Variants in GPRIN3 observed in about 807,000 individuals in gnomAD.
The protein encoded by GPRIN3 is G protein-regulated inducer of neurite outgrowth 3.
Under a neutral mutation model 13.7 loss-of-function variants are expected in GPRIN3, and 12 were observed. That is an observed-to-expected ratio of 0.87 (90% CI 0.56 to 1.42). GPRIN3 has a LOEUF of 1.42. GPRIN3 is among the 40% of genes most tolerant of loss of function. The probability of loss-of-function intolerance (pLI) is 0.00; values close to 1 mark genes in which losing one functional copy is unlikely to be tolerated. For synonymous variants in GPRIN3, 377 were observed against 372.7 expected (o/e 1.01, Z -0.13); for missense variants, 1,009 against 958.7 (o/e 1.05, Z -0.69).
chr4:89,238,200 A>T lies in GPRIN3; in HGVS notation c.*9580T>A, dbSNP rs1722834800. The stretch of plus-strand genomic sequence containing the variant: ...AATCACTGTTTAAAGTTCATGGGAA[A>T]TTCACTAAATCATTGTTTTGAGATT... On this transcript the variant is annotated 3_prime_UTR_variant, in exon 2 of 2. Coordinates refer to ENST00000609438, the MANE Select transcript of GPRIN3 (RefSeq NM_198281.3). 2 of 152,128 alleles carry T rather than the reference A, an allele frequency of 1.3e-5. No homozygotes were observed. The highest frequency in any genetic ancestry group is 2.9e-5 in the Non-Finnish European group (2 of 68,028). 9.4% of individuals were successfully genotyped at this position (152,128 alleles called of 1,614,324 possible).
chr4:89,291,565 T>C (rs1017218380), intron 1 of GPRIN3, among the ~76,000 whole-genome samples: 41 of 152,248 alleles, frequency 2.7e-4, no homozygotes, highest in African/African-American at 9.9e-4. Context: ...TGTTTGTTTA[T>C]TCCTTTACTA....
rs773688768 is a variant in GPRIN3 at position 89,302,346 on chromosome 4, AT to A, written c.-124+5268del. On this transcript the variant is annotated intron_variant, in intron 1 of 1. Coordinates refer to ENST00000609438, the MANE Select transcript of GPRIN3 (RefSeq NM_198281.3). Reference sequence around the variant, plus strand: ...GCTCTATTAGTGACTAGAAACAGTTATTAACTTCCTTGGGACTCATCTGTAA... The same window carrying A: ...GCTCTATTAGTGACTAGAAACAGTTATAACTTCCTTGGGACTCATCTGTAA... Among the ~76,000 whole-genome samples the A allele has an allele frequency of 3.3e-5, 5 of 152,344 alleles. No homozygotes were observed. The South Asian group carries it at 1.0e-3, about 32-fold the overall frequency.
In GPRIN3 at chr4:89,239,194, A is replaced by T. The variant is rs1722859556; in HGVS notation, c.*8586T>A. 6.6e-6 allele frequency: 1 copy of T among 152,178 alleles called. No homozygotes were observed. Among genetic ancestry groups the T allele is most frequent in the African/African-American group, 2.4e-5 (1 of 41,458 alleles). The allele number at this position is 152,178 out of a possible 1,614,324, so 9.4% of individuals were successfully genotyped here. On this transcript the variant is annotated 3_prime_UTR_variant, in exon 2 of 2. Coordinates refer to ENST00000609438, the MANE Select transcript of GPRIN3 (RefSeq NM_198281.3). ...TGGATTTTAATATTAATACATTCAT[A>T]AATGGACTTTCCATTTTGAATATTT...
chr4:89,257,863 C>T (rs951046435), intron 1 of GPRIN3, among the ~76,000 whole-genome samples: 4 of 151,936 alleles, frequency 2.6e-5, no homozygotes, highest in East Asian at 1.9e-4. Flanking sequence ...TACAGAAATC[C>T]GATACAGAAA....
intron 1 of GPRIN3, among the ~76,000 whole-genome samples, chr4:89,305,644 A>G (rs1489570236): frequency 6.6e-6 from 1 of 152,234 alleles, no homozygotes; most frequent in East Asian, 1.9e-4. Flanking sequence ...GTTTCCTGCA[A>G]GCTGCAGATT....
chr4:89,249,322 C>G lies in GPRIN3; in HGVS notation c.789G>C (p.Val263=). Residue 263 remains valine (V), a synonymous_variant, in exon 2 of 2, where the codon GTG becomes GTC. Coordinates refer to ENST00000609438, the MANE Select transcript of GPRIN3 (RefSeq NM_198281.3). ...TASGPQGTTS[V]TPQPTPLTSE... The stretch of plus-strand genomic sequence containing the variant: ...TAGTGAGGGGGGTTGGTTGAGGTGT[C>G]ACAGAAGTTGTGCCTTGGGGGCCCG... The G allele has an allele frequency of 6.2e-7, 1 of 1,614,104 alleles. No individual in the cohort carries two copies. The highest frequency in any genetic ancestry group is 8.5e-7 in the Non-Finnish European group (1 of 1,180,020).
At chr4:89,264,551 T>C (rs1240327866) in intron 1 of GPRIN3, among the ~76,000 whole-genome samples, 3 of 152,196 alleles carry the variant, frequency 2.0e-5, no homozygotes, top group African/African-American at 4.8e-5. Flanking sequence ...AAGAGAGTTC[T>C]AGGCAGAGGG....
At position 89,248,807 on chromosome 4, in the gene GPRIN3, T is replaced by G. The variant is rs1723202430; in HGVS notation, c.1304A>C (p.Lys435Thr). 6.2e-7 allele frequency: 1 copy of G among 1,614,082 alleles called. No homozygotes were observed. Residue 435 changes from lysine (K) to threonine (T), a missense_variant, in exon 2 of 2, where the codon AAA becomes ACA. Coordinates refer to ENST00000609438, the MANE Select transcript of GPRIN3 (RefSeq NM_198281.3). ...LVSSNAQHTC[K>T]EDGRLAGMTP... The stretch of plus-strand genomic sequence containing the variant: ...CATTCCTGCTAACCTCCCATCTTCT[T>G]TACACGTATGCTGGGCATTACTGGA...
intron 1 of GPRIN3, among the ~76,000 whole-genome samples, chr4:89,284,090 G>A (rs1049615395): frequency 1.3e-5 from 2 of 152,228 alleles, no homozygotes; most frequent in African/African-American, 4.8e-5. Flanking sequence ...TAAACGCTAT[G>A]ACAGATGGTA....
intron 1 of GPRIN3, among the ~76,000 whole-genome samples, chr4:89,304,750 C>G (rs1255175305): frequency 6.6e-6 from 1 of 152,126 alleles, no homozygotes; most frequent in East Asian, 1.9e-4. Flanking sequence ...TTAGAATATA[C>G]ACTCTTTGTC....
At chr4:89,278,407 T>G (rs1199302445) in intron 1 of GPRIN3, among the ~76,000 whole-genome samples, 7 of 152,240 alleles carry the variant, frequency 4.6e-5, no homozygotes, top group African/African-American at 1.7e-4. Context: ...AATGACATAT[T>G]TAAATTCTCC....
intron 1 of GPRIN3, among the ~76,000 whole-genome samples, chr4:89,289,000 T>A (rs1431827176): frequency 1.3e-5 from 2 of 151,964 alleles, no homozygotes; most frequent in Admixed American, 1.3e-4. Flanking sequence ...TCTCTGACAT[T>A]TTCCTATGTC....
Position 89,238,405 on chromosome 4 carries a change from T to G in GPRIN3, c.*9375A>C, listed in dbSNP as rs189753764. 1 of 152,344 alleles carries G rather than the reference T, an allele frequency of 6.6e-6. No individual in the cohort carries two copies. Among genetic ancestry groups the G allele is most frequent in the East Asian group, 1.9e-4 (1 of 5,188 alleles). 9.4% of individuals were successfully genotyped at this position (152,344 alleles called of 1,614,324 possible). The stretch of plus-strand genomic sequence containing the variant: ...ATCCAGACTGCAGGATCCCAGTTTA[T>G]CTTCTCAGGAGTAGGCAGAAAGGCT... On this transcript the variant is annotated 3_prime_UTR_variant, in exon 2 of 2. Transcript: ENST00000609438.
rs541157185 is a variant in GPRIN3 at position 89,236,588 on chromosome 4, T to C, written c.*11192A>G. ...TTGTTATTCTCAGTTTCCAGATGAA[T>C]GCACTGAAATAATTTGGATATTTAT... is the stretch of plus-strand genomic sequence containing the variant. On this transcript the variant is annotated 3_prime_UTR_variant, in exon 2 of 2. Coordinates refer to ENST00000609438, the MANE Select transcript of GPRIN3 (RefSeq NM_198281.3). The C allele has an allele frequency of 1.1e-4, 17 of 152,248 alleles. No individual in the cohort carries two copies. In the South Asian group the frequency reaches 3.3e-3, roughly 30 times the overall value. The allele number at this position is 152,248 out of a possible 1,614,324, so 9.4% of individuals were successfully genotyped here. A position where few individuals can be genotyped will look rare whatever the true frequency, so the allele number is the denominator to read the frequency against.
At chr4:89,270,306 A>G (rs35282873) in intron 1 of GPRIN3, among the ~76,000 whole-genome samples, 2,150 of 150,232 alleles carry the variant, frequency 0.014, 28 homozygotes, top group Non-Finnish European at 0.024. Flanking sequence ...TCTCTCTGCA[A>G]TTCTCTTTTA....
In GPRIN3 at chr4:89,241,759, C is replaced by T. The variant is rs2149246709; in HGVS notation, c.*6021G>A. The T allele has an allele frequency of 6.6e-6, 1 of 152,230 alleles. No homozygotes were observed. Among genetic ancestry groups the T allele is most frequent in the Non-Finnish European group, 1.5e-5 (1 of 67,984 alleles). The allele number at this position is 152,230 out of a possible 1,614,324, so 9.4% of individuals were successfully genotyped here. A position where few individuals can be genotyped will look rare whatever the true frequency, so the allele number is the denominator to read the frequency against. ...TAAAATAAATGTTAAGGAATCTCAA[C>T]TAAAATCATCAAGGATGCCAATTAA... is the stretch of plus-strand genomic sequence containing the variant. On this transcript the variant is annotated 3_prime_UTR_variant, in exon 2 of 2. Coordinates refer to ENST00000609438, the MANE Select transcript of GPRIN3 (RefSeq NM_198281.3).
chr4:89,261,945 C>T (rs1447057329), intron 1 of GPRIN3, among the ~76,000 whole-genome samples: 1 of 151,680 alleles, frequency 6.6e-6, no homozygotes. Context: ...AACCCCGTCT[C>T]TACTAAAAAT....
intron 1 of GPRIN3, among the ~76,000 whole-genome samples, chr4:89,290,204 A>G (rs1724535034): frequency 6.6e-6 from 1 of 151,884 alleles, no homozygotes; most frequent in Admixed American, 6.6e-5. Context: ...CCTGAGGCTC[A>G]ACCCATCCTC....
At chr4:89,265,855 T>C (rs1190321328) in intron 1 of GPRIN3, among the ~76,000 whole-genome samples, 1 of 152,196 alleles carries the variant, frequency 6.6e-6, no homozygotes, top group African/African-American at 2.4e-5. Context: ...CATTACTTAC[T>C]TTGTAACAAT....
Sources: allele counts gnomAD v4.1 joint callset (sites outside exome capture counted in the v4.1 genomes callset), GRCh38; gene constraint gnomAD v4.1.1; transcripts MANE v1.5; gene names NCBI Gene and HGNC (gene_info 2026-07-23, HGNC 2026-07-21).